The following TMCC1 variants were observed in gnomAD, a reference collection of about 807,000 sequenced individuals.
TMCC1 encodes transmembrane and coiled-coil domains protein 1.
TMCC1 carries 15 observed loss-of-function variants against 52.4 expected under a neutral mutation model. The ratio of observed to expected loss-of-function variants is 0.29; its 90% CI spans 0.19 to 0.44. The LOEUF (loss-of-function observed/expected upper bound fraction) is 0.44, where lower values mean the gene tolerates loss of function less well. Ranked by LOEUF, TMCC1 falls within the 20% of genes least tolerant of loss-of-function variation. TMCC1 has a pLI of 1.00. For synonymous variants in TMCC1, 279 were observed against 301.9 expected, an observed-to-expected ratio of 0.92 and a Z score of 0.79; for missense variants, 503 against 806.0, an observed-to-expected ratio of 0.62 and a Z score of 4.55.
At chr3:129,684,079 A>AAATTAAGG (rs1180709374) in intron 4 of TMCC1, among the ~76,000 whole-genome samples, 1 of 152,242 alleles carries the variant, frequency 6.6e-6, no homozygotes, top group African/African-American at 2.4e-5. Context: ...TCCTGGAAAT[A>AAATTAAGG]AATTAAGGAT....
intron 4 of TMCC1, among the ~76,000 whole-genome samples, chr3:129,721,942 T>C (rs1277052886): frequency 6.6e-6 from 1 of 152,224 alleles, no homozygotes; most frequent in African/African-American, 2.4e-5. Flanking sequence ...TATGAAACCC[T>C]ATCTATAGCA....
chr3:129,741,349 T>C (rs1265467242), intron 4 of TMCC1, among the ~76,000 whole-genome samples: 1 of 152,194 alleles, frequency 6.6e-6, no homozygotes, highest in East Asian at 1.9e-4. Flanking sequence ...CTTCTACCTG[T>C]ATGGCTGTTT....
intron 4 of TMCC1, among the ~76,000 whole-genome samples, chr3:129,689,384 T>C (rs980482692): frequency 2.0e-5 from 3 of 152,236 alleles, no homozygotes; most frequent in Non-Finnish European, 2.9e-5. Flanking sequence ...ATTCCTTTAT[T>C]TGTAAAAGCA....
chr3:129,842,667 T>C (rs1276348216), intron 2 of TMCC1, among the ~76,000 whole-genome samples: 3 of 152,170 alleles, frequency 2.0e-5, no homozygotes, highest in Non-Finnish European at 4.4e-5. Flanking sequence ...ATAAAAGAAA[T>C]CTTCAAGATA....
intron 4 of TMCC1, among the ~76,000 whole-genome samples, chr3:129,738,886 T>G (rs2107631320): frequency 6.6e-6 from 1 of 152,302 alleles, no homozygotes; most frequent in African/African-American, 2.4e-5. Context: ...TGGTGAAATC[T>G]CAGCTCCCAG....
chr3:129,733,116 C>T (rs1023506049), intron 4 of TMCC1, among the ~76,000 whole-genome samples: 2 of 152,158 alleles, frequency 1.3e-5, no homozygotes, highest in South Asian at 4.1e-4. Flanking sequence ...TTGCTCTAGG[C>T]CAGGTGTTTT....
At chr3:129,804,320 C>T (rs899754610) in intron 4 of TMCC1, among the ~76,000 whole-genome samples, 14 of 152,262 alleles carry the variant, frequency 9.2e-5, no homozygotes, top group Middle Eastern at 3.4e-3. Context: ...GATGATATAA[C>T]ATAGCTACAT....
intron 5 of TMCC1, among the ~76,000 whole-genome samples, chr3:129,659,094 CTTTTTTT>C (rs902362203): frequency 4.1e-3 from 530 of 129,998 alleles, no homozygotes; most frequent in Non-Finnish European, 5.9e-3. Context: ...TTCTTTCTTT[CTTTTTTT>C]TTTTTTTTTT....
At chr3:129,653,390 TC>T (rs1370492188) in intron 6 of TMCC1, among the ~76,000 whole-genome samples, 1 of 152,220 alleles carries the variant, frequency 6.6e-6, no homozygotes. Flanking sequence ...TTTAGTTTGA[TC>T]CTCTGTAAAG....
chr3:129,769,255 A>C (rs530336256), intron 4 of TMCC1, among the ~76,000 whole-genome samples: 1 of 152,316 alleles, frequency 6.6e-6, no homozygotes, highest in South Asian at 2.1e-4. Flanking sequence ...TTTGAGACGG[A>C]GTCTCGCTCT....
At chr3:129,716,097 A>G (rs2049060142) in intron 4 of TMCC1, among the ~76,000 whole-genome samples, 1 of 152,030 alleles carries the variant, frequency 6.6e-6, no homozygotes, top group South Asian at 2.1e-4. Flanking sequence ...TATTTACAAC[A>G]AAAAGGACAC....
intron 2 of TMCC1, among the ~76,000 whole-genome samples, chr3:129,857,711 G>A (rs554843922): frequency 9.5e-5 from 14 of 148,136 alleles, no homozygotes; most frequent in Non-Finnish European, 2.0e-4. Flanking sequence ...ACAGGCACCC[G>A]CCACTAAGCC....
chr3:129,870,363 AAT>A (rs775814193), intron 2 of TMCC1, among the ~76,000 whole-genome samples: 1 of 152,162 alleles, frequency 6.6e-6, no homozygotes, highest in African/African-American at 2.4e-5. Context: ...ACAACTTCTG[AAT>A]ATATTTGGAT....
intron 6 of TMCC1, among the ~76,000 whole-genome samples, chr3:129,653,058 C>T (rs1029103780): frequency 3.3e-5 from 5 of 151,988 alleles, no homozygotes; most frequent in East Asian, 1.9e-4. Context: ...CTATAGGAAT[C>T]GATTCACAAC....
intron 2 of TMCC1, among the ~76,000 whole-genome samples, chr3:129,845,845 AACACAGGGAGACCC>A: frequency 6.6e-6 from 1 of 152,232 alleles, no homozygotes. Context: ...AAGTCTGGGC[AACACAGGGAGACCC>A]TGTCTCTACA....
intron 4 of TMCC1, among the ~76,000 whole-genome samples, chr3:129,725,684 ATTTT>A (rs202212845): frequency 6.7e-6 from 1 of 148,230 alleles, no homozygotes; most frequent in Non-Finnish European, 1.5e-5. Context: ...TTGAACATTG[ATTTT>A]TTTTTTTGTT....
chr3:129,737,059 T>C (rs1214485049), intron 4 of TMCC1, among the ~76,000 whole-genome samples: 1 of 152,142 alleles, frequency 6.6e-6, no homozygotes, highest in Admixed American at 6.5e-5. Context: ...CTCCCCAAAA[T>C]TCATATGTTG....
chr3:129,682,866 G>A (rs1046397909), intron 4 of TMCC1, among the ~76,000 whole-genome samples: 4 of 151,598 alleles, frequency 2.6e-5, no homozygotes, highest in East Asian at 1.9e-4. Flanking sequence ...ACAGAGTTTC[G>A]CTCTTGTTGC....
At chr3:129,694,249 C>T (rs1300771261) in intron 4 of TMCC1, among the ~76,000 whole-genome samples, 1 of 152,322 alleles carries the variant, frequency 6.6e-6, no homozygotes, top group Non-Finnish European at 1.5e-5. Context: ...CTTACGAAAA[C>T]GTCCACACAG....
Sources: gnomAD v4.1 joint callset for allele counts (sites outside exome capture counted in the v4.1 genomes callset) on GRCh38, gnomAD v4.1.1 for gene constraint, MANE v1.5 for transcripts, NCBI Gene and HGNC (gene_info 2026-07-23, HGNC 2026-07-21) for gene names.